The following TBC1D9B variants were observed in gnomAD, a reference collection of about 807,000 sequenced individuals.
The protein encoded by TBC1D9B is TBC1 domain family, member 9B (with GRAM domain).
Under a neutral mutation model 121.1 loss-of-function variants are expected in TBC1D9B, and 87 were observed. The ratio of observed to expected loss-of-function variants is 0.72; its 90% CI spans 0.60 to 0.86. The LOEUF (loss-of-function observed/expected upper bound fraction) is 0.86, where lower values mean the gene tolerates loss of function less well. Among genes scored for constraint, TBC1D9B ranks in the 40% least tolerant of loss-of-function variants. The pLI, the probability that TBC1D9B is intolerant of heterozygous loss-of-function variation, is 0.00. For missense variants in TBC1D9B, 1,540 were observed against 1,628.6 expected (o/e 0.95, Z 0.94); for synonymous variants, 668 against 670.1 (o/e 1.00, Z 0.05).
In TBC1D9B at chr5:179,875,138, C is replaced by G; in HGVS notation, c.1950G>C (p.Leu650=). The G allele has an allele frequency of 6.2e-7, 1 of 1,613,936 alleles. No individual in the cohort carries two copies. Among genetic ancestry groups the G allele is most frequent in the African/African-American group, 1.3e-5 (1 of 75,076 alleles). ...CCTGCATCTTCTCCGAGAGCTGCGG[C>G]AGGAAGTCTCTCGTGAGCTCTTCGA... ...GIFEELTRDF[L]PQLSEKMQDL... is the part of the protein sequence containing the mutation. The change falls in exon 12 of 21, where the codon CTG becomes CTC. Residue 650 remains leucine (L), a synonymous_variant. Transcript: ENST00000355235. The surrounding 1 kb of genome is among the most constrained non-coding windows in gnomAD (Gnocchi z 4.5).
Position 179,870,599 on chromosome 5 carries a change from G to A in TBC1D9B, c.2485-104C>T, listed in dbSNP as rs116081490. ...ACCCTCCCCCTCTGTCCAAGCCTGC[G>A]GAGCCCTGGGGCGGTAAGCACGGGC... On this transcript the variant is annotated intron_variant, in intron 15 of 20. Transcript: ENST00000355235. 1,481 of 1,450,754 alleles carry A rather than the reference G, an allele frequency of 1.0e-3. 11 individuals carry two copies. The African/African-American group carries it at 0.018, about 17-fold the overall frequency. 89.9% of individuals were successfully genotyped at this position (1,450,754 alleles called of 1,614,324 possible). A position where few individuals can be genotyped will look rare whatever the true frequency, so the allele number is the denominator to read the frequency against.
At chr5:179,894,285 G>A in intron 4 of TBC1D9B, 101 bp downstream of exon 4, 6 of 1,147,368 alleles carry the variant, frequency 5.2e-6, no homozygotes, top group Middle Eastern at 2.9e-4. Context: ...GGGTTTCAGG[G>A]AGACCCCTCT....
chr5:179,898,544 G>A (rs1761077819), intron 3 of TBC1D9B, among the ~76,000 whole-genome samples: 1 of 151,952 alleles, frequency 6.6e-6, no homozygotes, highest in South Asian at 2.1e-4. Context: ...GGCCTCCTGG[G>A]TTCAAGCAAT....
Position 179,871,506 on chromosome 5 carries a change from C to A in TBC1D9B, c.2440G>T (p.Gly814Cys), listed in dbSNP as rs1760197379. ...TCCTCCAGCTCTTCAATGGAGAAAC[C>A]AATGTCCACAGGTATAGCTCGGACC... ...SVVRAIPVDI[G>C]FSIEELEDLY... The change falls in exon 15 of 21, where the codon GGT becomes TGT. Residue 814 changes from glycine to cysteine, a missense_variant. By Grantham distance (159) the Gly-to-Cys change is radical. Transcript: ENST00000355235. 3 of 1,613,210 alleles carry A rather than the reference C, an allele frequency of 1.9e-6. No homozygotes were observed. The highest frequency in any genetic ancestry group is 4.5e-5 in the East Asian group (2 of 44,890).
Position 179,875,211 on chromosome 5 carries a change from G to C in TBC1D9B, c.1901-24C>G. Reference sequence around the variant, plus strand: ...TCCTGCGGGCAGGATGAGCGAGGCTGATGGTGAGCCCACCCTGTGGCCTGG... The same window carrying C: ...TCCTGCGGGCAGGATGAGCGAGGCTCATGGTGAGCCCACCCTGTGGCCTGG... On this transcript the variant is annotated intron_variant, in intron 11 of 20. Transcript: ENST00000355235. The surrounding 1 kb of genome is among the most constrained non-coding windows in gnomAD (Gnocchi z 4.5). 1 of 1,606,862 alleles carries C rather than the reference G, an allele frequency of 6.2e-7. No homozygotes were observed. The highest frequency in any genetic ancestry group is 8.5e-7 in the Non-Finnish European group (1 of 1,177,756).
chr5:179,864,575 G>T (rs1759949006), intron 20 of TBC1D9B, among the ~76,000 whole-genome samples: 1 of 151,862 alleles, frequency 6.6e-6, no homozygotes, highest in African/African-American at 2.4e-5. Flanking sequence ...GTCAGCTGGG[G>T]AGGGGGATCC....
intron 17 of TBC1D9B, chr5:179,868,257 C>A (rs950418617): frequency 1.3e-5 from 2 of 154,538 alleles, no homozygotes; most frequent in African/African-American, 4.8e-5. Flanking sequence ...TCTCGGCTCA[C>A]TGCAACCTCC....
chr5:179,876,761 T>G (rs773642680), intron 10 of TBC1D9B, among the ~76,000 whole-genome samples: 1 of 152,106 alleles, frequency 6.6e-6, no homozygotes, highest in Non-Finnish European at 1.5e-5. Flanking sequence ...GGAGGAAGTA[T>G]GGAGTTCCTC....
intron 7 of TBC1D9B, among the ~76,000 whole-genome samples, chr5:179,884,831 G>A (rs944721018): frequency 6.6e-6 from 1 of 152,178 alleles, no homozygotes; most frequent in African/African-American, 2.4e-5. Context: ...AGGTAGAATG[G>A]TGCTTGCCAG....
chr5:179,880,029 T>G, intron 7 of TBC1D9B: 1 of 580,622 alleles, frequency 1.7e-6, no homozygotes, highest in Admixed American at 3.2e-5. Context: ...CACCAGCGAG[T>G]CAGTCTCAGG....
At position 179,904,758 on chromosome 5, in the gene TBC1D9B, G is replaced by C; in HGVS notation, c.173C>G (p.Pro58Arg). 6.3e-7 allele frequency: 1 copy of C among 1,579,498 alleles called. No homozygotes were observed. The highest frequency in any genetic ancestry group is 2.3e-5 in the East Asian group (1 of 43,304). Residue 58 changes from proline to arginine, a missense_variant, in exon 2 of 21, where the codon CCT (proline) becomes CGT (arginine). Physicochemically the swap from Pro to Arg is moderately radical, Grantham distance 103. Coordinates refer to ENST00000355235, the MANE Select transcript of TBC1D9B (RefSeq NM_015043.4). This position sits in a 1 kb window ranked among gnomAD's most constrained non-coding sequence, Gnocchi z 4.2. ...CTGGGTCTGGTGCAGGATGCGGTAAGGGGCCACGCGGGCACTGGAGTCCAG... is the reference window on the plus strand; with the variant it reads ...CTGGGTCTGGTGCAGGATGCGGTAACGGGCCACGCGGGCACTGGAGTCCAG... ...VVLDSSARVAPYRILHQTQDS... is the reference protein window; with the variant it reads ...VVLDSSARVARYRILHQTQDS...
At chr5:179,867,532 G>T in intron 18 of TBC1D9B, 1 of 1,554,350 alleles carries the variant, frequency 6.4e-7, no homozygotes. Context: ...GAGGGGCAGA[G>T]TGGGGAGGAG....
chr5:179,898,336 G>A (rs533968767), intron 3 of TBC1D9B, among the ~76,000 whole-genome samples: 3 of 152,104 alleles, frequency 2.0e-5, no homozygotes, highest in African/African-American at 7.2e-5. Flanking sequence ...TGTATTTTTA[G>A]TAGAGACAGG....
In TBC1D9B at chr5:179,888,087, C is replaced by T. The variant is rs1402139156; in HGVS notation, c.1254+16G>A. ...TGGGCCCAACTCGACCCTGCTGCTC[C>T]CAAGGGGCTTCTCACCTCTGTGCTA... On this transcript the variant is annotated intron_variant, in intron 7 of 20. Coordinates refer to ENST00000355235, the MANE Select transcript of TBC1D9B (RefSeq NM_015043.4). The T allele has an allele frequency of 6.2e-7, 1 of 1,613,018 alleles. No homozygotes were observed. Among genetic ancestry groups the T allele is most frequent in the Non-Finnish European group, 8.5e-7 (1 of 1,179,966 alleles).
At chr5:179,867,884 G>A (rs1314172438) in intron 17 of TBC1D9B, 35 bp from the exon 18 acceptor site, 3 of 1,501,210 alleles carry the variant, frequency 2.0e-6, no homozygotes, top group Non-Finnish European at 2.7e-6. Flanking sequence ...GAGGGCAGGA[G>A]GAAACAAGGA....
chr5:179,904,676 C>A lies in TBC1D9B; in HGVS notation c.229+26G>T, dbSNP rs1045412465. On this transcript the variant is annotated intron_variant, in intron 2 of 20. Coordinates refer to ENST00000355235, the MANE Select transcript of TBC1D9B (RefSeq NM_015043.4). This position sits in a 1 kb window ranked among gnomAD's most constrained non-coding sequence, Gnocchi z 4.2. ...CCCTTCCAGGGCAGGCCCTGCCCAGCACCCCTCACCACTCAGGGCACCTAC... is the reference window on the plus strand; with the variant it reads ...CCCTTCCAGGGCAGGCCCTGCCCAGAACCCCTCACCACTCAGGGCACCTAC... The A allele has an allele frequency of 6.5e-7, 1 of 1,544,578 alleles. No individual in the cohort carries two copies. The highest frequency in any genetic ancestry group is 8.8e-7 in the Non-Finnish European group (1 of 1,141,668).
At chr5:179,868,335 C>A (rs1160670033) in intron 17 of TBC1D9B, 1 of 152,432 alleles carries the variant, frequency 6.6e-6, no homozygotes, top group African/African-American at 2.4e-5. Flanking sequence ...GCACACACCA[C>A]CACGCCCAGC....
chr5:179,907,682 CG>C lies in TBC1D9B; in HGVS notation c.118+21del. The stretch of plus-strand genomic sequence containing the variant: ...AGCCCAGCCGCGGCGCCCACAGGCC[CG>C]GCCGCCCGCGCGCCTCTCACCCGTA... On this transcript the variant is annotated intron_variant, in intron 1 of 20. Transcript: ENST00000355235. The surrounding 1 kb of genome is among the most constrained non-coding windows in gnomAD (Gnocchi z 5.3). 9.4e-7 allele frequency: 1 copy of C among 1,063,522 alleles called. No homozygotes were observed. The highest frequency in any genetic ancestry group is 1.2e-6 in the Non-Finnish European group (1 of 869,258). 65.9% of individuals were successfully genotyped at this position (1,063,522 alleles called of 1,614,324 possible).
At position 179,904,601 on chromosome 5, in the gene TBC1D9B, G is replaced by A. The variant is rs924461629; in HGVS notation, c.229+101C>T. On this transcript the variant is annotated intron_variant, in intron 2 of 20. Transcript: ENST00000355235. This position sits in a 1 kb window ranked among gnomAD's most constrained non-coding sequence, Gnocchi z 4.2. ...CAGCCTTGGGCTATGCTGTCAGCAG[G>A]GAATACCACCCAGACACGTGGGCTA... is the stretch of plus-strand genomic sequence containing the variant. 20 of 1,017,752 alleles carry A rather than the reference G, an allele frequency of 2.0e-5. No homozygotes were observed. The East Asian group carries it at 4.8e-4, about 24-fold the overall frequency. 63.0% of individuals were successfully genotyped at this position (1,017,752 alleles called of 1,614,324 possible).
Sources: allele counts gnomAD v4.1 joint callset (sites outside exome capture counted in the v4.1 genomes callset), GRCh38; gene constraint gnomAD v4.1.1; non-coding constraint Gnocchi (gnomAD v3.1); transcripts MANE v1.5; gene names NCBI Gene and HGNC (gene_info 2026-07-23, HGNC 2026-07-21).